The following WWOX variants were observed in gnomAD, a reference collection of about 807,000 sequenced individuals.
The protein encoded by WWOX is WW domain containing oxidoreductase.
A neutral mutation model predicts 46.2 loss-of-function variants in WWOX; 69 were observed. The observed-to-expected ratio is 1.49, with a 90% CI of 1.23 to 1.82. WWOX has a LOEUF of 1.82. Ranked by LOEUF, WWOX falls within the 40% of genes most tolerant of loss-of-function variation. The pLI, the probability that WWOX is intolerant of heterozygous loss-of-function variation, is 0.00. For missense variants in WWOX, 919 were observed against 542.6 expected (o/e 1.69, Z -6.89); for synonymous variants, 359 against 202.6 (o/e 1.77, Z -6.56).
chr16:78,424,107 C>CTTTTTTTTTTTTGTTTTTT (rs2083018967), intron 6 of WWOX, among the ~76,000 whole-genome samples: 1 of 102,122 alleles, frequency 9.8e-6, no homozygotes, highest in Non-Finnish European at 2.0e-5. Context: ...CTTTTCTTTT[C>CTTTTTTTTTTTTGTTTTTT]TTTTTTTTTT....
chr16:79,110,226 T>C (rs994018088), intron 8 of WWOX, among the ~76,000 whole-genome samples: 5 of 152,126 alleles, frequency 3.3e-5, no homozygotes, highest in African/African-American at 1.2e-4. Flanking sequence ...ACCAGGCAGG[T>C]AGGTTTGACT....
chr16:78,374,511 A>G (rs921662298), intron 5 of WWOX, among the ~76,000 whole-genome samples: 30 of 131,064 alleles, frequency 2.3e-4, no homozygotes, highest in African/African-American at 7.6e-4. Flanking sequence ...TGAGTCCTCA[A>G]CTTTTTCTGT....
At chr16:78,908,184 G>C (rs551792456) in intron 8 of WWOX, among the ~76,000 whole-genome samples, 1 of 152,068 alleles carries the variant, frequency 6.6e-6, no homozygotes, top group Non-Finnish European at 1.5e-5. Context: ...ATTGCCCAAC[G>C]GGTTCTCCTT....
chr16:79,188,097 TAG>T (rs2051056112), intron 8 of WWOX, among the ~76,000 whole-genome samples: 3 of 152,216 alleles, frequency 2.0e-5, no homozygotes, highest in South Asian at 4.1e-4. Flanking sequence ...CAGTACAGTG[TAG>T]AGTCACTTTG....
chr16:79,167,052 T>C (rs918558920), intron 8 of WWOX, among the ~76,000 whole-genome samples: 2 of 152,148 alleles, frequency 1.3e-5, no homozygotes, highest in Admixed American at 1.3e-4. Context: ...ACAATTCTCA[T>C]GCGTCAGCCT....
intron 8 of WWOX, among the ~76,000 whole-genome samples, chr16:78,558,789 G>C (rs114274787): frequency 3.0e-3 from 464 of 152,318 alleles, no homozygotes; most frequent in African/African-American, 0.01. Context: ...TCTGCCTAGA[G>C]TATGCCTTTT....
chr16:79,196,735 G>A (rs2051248256), intron 8 of WWOX, among the ~76,000 whole-genome samples: 1 of 151,820 alleles, frequency 6.6e-6, no homozygotes, highest in Non-Finnish European at 1.5e-5. Context: ...TTTTTAGGGG[G>A]AGCCAAATTA....
intron 8 of WWOX, among the ~76,000 whole-genome samples, chr16:78,503,031 G>A (rs868316863): frequency 2.0e-5 from 3 of 152,218 alleles, no homozygotes. Flanking sequence ...CCATGTTTCA[G>A]ACGTTCCCAT....
At chr16:79,172,614 G>A (rs548437542) in intron 8 of WWOX, among the ~76,000 whole-genome samples, 22 of 152,262 alleles carry the variant, frequency 1.4e-4, no homozygotes, top group Middle Eastern at 3.4e-3. Flanking sequence ...GCCCTCCCTC[G>A]GAATCTGGTG....
intron 8 of WWOX, among the ~76,000 whole-genome samples, chr16:78,791,022 A>G (rs1453312891): frequency 6.7e-6 from 1 of 149,220 alleles, no homozygotes; most frequent in East Asian, 1.9e-4. Context: ...CTGTCTCAAA[A>G]AAAAAAAAAA....
intron 8 of WWOX, among the ~76,000 whole-genome samples, chr16:79,022,392 G>A (rs1291193563): frequency 2.0e-5 from 3 of 149,920 alleles, no homozygotes; most frequent in Non-Finnish European, 3.0e-5. Flanking sequence ...AAGCCTACTG[G>A]CTTATCTGTT....
intron 5 of WWOX, among the ~76,000 whole-genome samples, chr16:78,271,877 T>C (rs1041166665): frequency 6.6e-6 from 1 of 152,170 alleles, no homozygotes; most frequent in Non-Finnish European, 1.5e-5. Flanking sequence ...GTGAATTTAA[T>C]TAGTCTGCCA....
At chr16:78,192,469 G>C (rs1357309719) in intron 5 of WWOX, among the ~76,000 whole-genome samples, 1 of 138,338 alleles carries the variant, frequency 7.2e-6, no homozygotes, top group East Asian at 2.2e-4. Flanking sequence ...TCCAGCCTAG[G>C]TGACAGAGTG....
intron 5 of WWOX, chr16:78,280,772 A>C (rs953074191): frequency 1.7e-4 from 26 of 152,356 alleles, no homozygotes; most frequent in African/African-American, 5.5e-4. Flanking sequence ...TTGAAGCTGA[A>C]GCAAATGTGA....
intron 8 of WWOX, among the ~76,000 whole-genome samples, chr16:79,013,055 C>A (rs143296285): frequency 2.6e-5 from 4 of 152,288 alleles, no homozygotes; most frequent in African/African-American, 9.6e-5. Context: ...AGCAACAGAG[C>A]AAGACTCCGT....
At chr16:78,510,995 C>A (rs142860906) in intron 8 of WWOX, among the ~76,000 whole-genome samples, 1 of 152,222 alleles carries the variant, frequency 6.6e-6, no homozygotes, top group East Asian at 1.9e-4. Flanking sequence ...GTGCCTACCC[C>A]ACGTGTCCAG....
intron 8 of WWOX, among the ~76,000 whole-genome samples, chr16:78,999,092 A>G (rs1434016611): frequency 6.6e-6 from 1 of 152,086 alleles, no homozygotes; most frequent in East Asian, 1.9e-4. Context: ...AGGTTTGCGC[A>G]ACACAACTGC....
At chr16:78,413,771 T>C (rs2082735190) in intron 6 of WWOX, among the ~76,000 whole-genome samples, 1 of 152,000 alleles carries the variant, frequency 6.6e-6, no homozygotes, top group South Asian at 2.1e-4. Flanking sequence ...ACTCAGTTCC[T>C]GGGTGGGGGC....
intron 8 of WWOX, among the ~76,000 whole-genome samples, chr16:78,471,769 T>C (rs968357606): frequency 1.3e-5 from 2 of 152,192 alleles, no homozygotes; most frequent in East Asian, 3.9e-4. Flanking sequence ...TTTCTCTTAA[T>C]CAAAATAATA....
Sources: gnomAD v4.1 joint callset for allele counts (sites outside exome capture counted in the v4.1 genomes callset) on GRCh38, gnomAD v4.1.1 for gene constraint, MANE v1.5 for transcripts, NCBI Gene and HGNC (gene_info 2026-07-23, HGNC 2026-07-21) for gene names.